The following RORA variants were observed in gnomAD, a reference collection of about 807,000 sequenced individuals.
RORA encodes the protein RAR related orphan receptor A, also known as nuclear receptor ROR-alpha.
In RORA, 7 loss-of-function variants were observed where a neutral mutation model predicts 69.5. That is an observed-to-expected ratio of 0.10 (90% CI 0.06 to 0.19). The LOEUF (loss-of-function observed/expected upper bound fraction) is 0.19. RORA is among the 10% of genes least tolerant of loss of function. RORA has a pLI of 1.00. For synonymous variants in RORA, 261 were observed against 240.8 expected (o/e 1.08, Z -0.78); for missense variants, 457 against 663.0 (o/e 0.69, Z 3.41).
chr15:60,759,846 G>A lies in RORA; in HGVS notation c.167-81160C>T, dbSNP rs1340376487. Among the ~76,000 whole-genome samples the A allele has an allele frequency of 2.6e-5, 4 of 152,292 alleles. No individual in the cohort carries two copies. The East Asian group carries it at 7.7e-4, about 29-fold the overall frequency. ...AATATTTAACCATCTTTGATACAAA[G>A]ATAGGAGGGGGAAATATGATTTGCT... On this transcript the variant is annotated intron_variant, in intron 1 of 10. Coordinates refer to ENST00000335670, the MANE Select transcript of RORA (RefSeq NM_134261.3).
At chr15:60,913,547 C>A (rs1206151211) in intron 1 of RORA, among the ~76,000 whole-genome samples, 2 of 152,184 alleles carry the variant, frequency 1.3e-5, no homozygotes, top group South Asian at 2.1e-4. Flanking sequence ...TCTCAGGGCA[C>A]CAAATGACTT....
chr15:60,721,908 T>C (rs1462005015), intron 1 of RORA, among the ~76,000 whole-genome samples: 1 of 152,286 alleles, frequency 6.6e-6, no homozygotes, highest in East Asian at 1.9e-4. Context: ...TGACTCATTT[T>C]ACTCAAGGAC....
At chr15:60,826,745 C>CTG (rs2072964859) in intron 1 of RORA, among the ~76,000 whole-genome samples, 1 of 81,566 alleles carries the variant, frequency 1.2e-5, no homozygotes, top group African/African-American at 3.1e-5. Flanking sequence ...TACCTGCTCT[C>CTG]TCTCTCTCTC....
At chr15:60,641,418 CTTTT>C (rs796600832) in intron 2 of RORA, among the ~76,000 whole-genome samples, 1 of 151,436 alleles carries the variant, frequency 6.6e-6, no homozygotes. Flanking sequence ...CTTTCCATTT[CTTTT>C]TTTTTAAGAT....
intron 1 of RORA, among the ~76,000 whole-genome samples, chr15:60,950,513 G>T (rs1040610764): frequency 1.0e-4 from 14 of 135,938 alleles, no homozygotes; most frequent in Admixed American, 2.4e-4. Flanking sequence ...AAAGAGTCAA[G>T]ACCCATCAGT....
At chr15:61,029,752 G>A (rs1896045789) in intron 1 of RORA, among the ~76,000 whole-genome samples, 1 of 152,174 alleles carries the variant, frequency 6.6e-6, no homozygotes, top group Admixed American at 6.5e-5. Flanking sequence ...GCACCCATGG[G>A]AGACAGGACA....
At chr15:60,586,933 G>C (rs1340482698) in intron 2 of RORA, among the ~76,000 whole-genome samples, 1 of 151,970 alleles carries the variant, frequency 6.6e-6, no homozygotes, top group Non-Finnish European at 1.5e-5. Flanking sequence ...AAAGACAAAC[G>C]ATTTCTCAAG....
chr15:60,650,959 G>T (rs2070134014), intron 2 of RORA, among the ~76,000 whole-genome samples: 1 of 152,080 alleles, frequency 6.6e-6, no homozygotes, highest in Non-Finnish European at 1.5e-5. Context: ...ACATAGAAAA[G>T]CTAAGATTCA....
chr15:61,015,661 C>T (rs1350669254), intron 1 of RORA, among the ~76,000 whole-genome samples: 1 of 152,116 alleles, frequency 6.6e-6, no homozygotes, highest in Non-Finnish European at 1.5e-5. Flanking sequence ...ATTTTACTCA[C>T]CAAAAATGTG....
At chr15:60,899,884 A>G (rs772390897) in intron 1 of RORA, among the ~76,000 whole-genome samples, 13 of 152,240 alleles carry the variant, frequency 8.5e-5, no homozygotes, top group Non-Finnish European at 1.3e-4. Flanking sequence ...CTTCCCTAAT[A>G]CAGCCAATAT....
intron 1 of RORA, among the ~76,000 whole-genome samples, chr15:61,035,946 A>AT (rs1896437909): frequency 6.6e-6 from 1 of 152,208 alleles, no homozygotes; most frequent in African/African-American, 2.4e-5. Flanking sequence ...ATGGACATAA[A>AT]TGCTAAGAGG....
intron 1 of RORA, among the ~76,000 whole-genome samples, chr15:60,878,722 T>G (rs1281509474): frequency 2.0e-5 from 3 of 152,206 alleles, no homozygotes; most frequent in Non-Finnish European, 4.4e-5. Flanking sequence ...CAGCAGCTAT[T>G]GGAAGCAATA....
At chr15:60,694,180 A>G (rs2070869300) in intron 1 of RORA, among the ~76,000 whole-genome samples, 2 of 152,230 alleles carry the variant, frequency 1.3e-5, no homozygotes, top group Admixed American at 1.3e-4. Flanking sequence ...ATTGAGTGTC[A>G]GAAAGGTGGA....
At chr15:60,623,807 C>T (rs979778437) in intron 2 of RORA, among the ~76,000 whole-genome samples, 2 of 152,126 alleles carry the variant, frequency 1.3e-5, no homozygotes, top group Non-Finnish European at 2.9e-5. Flanking sequence ...TTTTTAAAAT[C>T]AAAACTATTG....
chr15:61,192,583 C>T (rs1168780752), intron 1 of RORA, among the ~76,000 whole-genome samples: 1 of 152,226 alleles, frequency 6.6e-6, no homozygotes, highest in Admixed American at 6.5e-5. Context: ...TGCCACAATT[C>T]ACTGTGGTCT....
In RORA at chr15:60,562,226, C is replaced by T. The variant is rs542564509; in HGVS notation, c.197-30375G>A. On this transcript the variant is annotated intron_variant, in intron 2 of 10. Transcript: ENST00000335670. ...CTGGGATTATAGGCATGAGCCACTGCGCCCTGCCAGTTTACAAAAATTTTG... is the reference window on the plus strand; with the variant it reads ...CTGGGATTATAGGCATGAGCCACTGTGCCCTGCCAGTTTACAAAAATTTTG... Among the ~76,000 whole-genome samples, 25 of 151,708 alleles carry T rather than the reference C, an allele frequency of 1.6e-4. No homozygotes were observed. In the South Asian group the frequency reaches 2.5e-3, roughly 15 times the overall value.
intron 1 of RORA, among the ~76,000 whole-genome samples, chr15:60,772,942 AT>A (rs2072100166): frequency 6.6e-6 from 1 of 152,232 alleles, no homozygotes; most frequent in Admixed American, 6.5e-5. Context: ...TTAATTGCCG[AT>A]TAAGATTAAT....
At chr15:61,108,815 C>T (rs1230257327) in intron 1 of RORA, among the ~76,000 whole-genome samples, 1 of 152,166 alleles carries the variant, frequency 6.6e-6, no homozygotes, top group Non-Finnish European at 1.5e-5. Flanking sequence ...CATCTACAAA[C>T]CCTGTTTTGC....
intron 1 of RORA, among the ~76,000 whole-genome samples, chr15:60,955,508 T>G (rs992072702): frequency 5.9e-5 from 9 of 152,244 alleles, no homozygotes; most frequent in Admixed American, 3.9e-4. Context: ...AAGGTTACCC[T>G]GGCATTGACT....
Sources: gnomAD v4.1 joint callset for allele counts (sites outside exome capture counted in the v4.1 genomes callset) on GRCh38, gnomAD v4.1.1 for gene constraint, MANE v1.5 for transcripts, NCBI Gene and HGNC (gene_info 2026-07-23, HGNC 2026-07-21) for gene names.